Variants in ZNF385D observed in about 807,000 individuals in gnomAD.
The protein encoded by ZNF385D is zinc finger protein 385D.
Under a neutral mutation model 35.8 loss-of-function variants are expected in ZNF385D, and 15 were observed. The observed-to-expected ratio is 0.42, with a 90% confidence interval of 0.28 to 0.64. The LOEUF is 0.64. Among genes scored for constraint, ZNF385D ranks in the 30% least tolerant of loss-of-function variants. ZNF385D has a pLI of 0.23. For missense variants in ZNF385D, 474 were observed against 494.6 expected, an observed-to-expected ratio of 0.96 and a Z score of 0.39; for synonymous variants, 212 against 186.8, an observed-to-expected ratio of 1.13 and a Z score of -1.10.
chr3:21,742,229 C>A (rs971893013), intron 1 of ZNF385D, among the ~76,000 whole-genome samples: 2 of 152,202 alleles, frequency 1.3e-5, no homozygotes, highest in Non-Finnish European at 2.9e-5. Context: ...GAAAGATTCA[C>A]TAATTTGTCC....
intron 3 of ZNF385D, among the ~76,000 whole-genome samples, chr3:22,104,057 G>C (rs1261082739): frequency 6.6e-6 from 1 of 151,978 alleles, no homozygotes; most frequent in Non-Finnish European, 1.5e-5. Context: ...GCCAGCCTTG[G>C]GGAGTGAGGG....
At chr3:22,233,257 C>G (rs756849527) in intron 2 of ZNF385D, among the ~76,000 whole-genome samples, 1 of 152,066 alleles carries the variant, frequency 6.6e-6, no homozygotes, top group South Asian at 2.1e-4. Context: ...TAAAAGGGAA[C>G]AGATTAAGAC....
intron 2 of ZNF385D, among the ~76,000 whole-genome samples, chr3:21,647,702 G>A (rs1021351): frequency 0.72 from 110,120 of 152,042 alleles, 40,174 homozygotes; most frequent in Admixed American, 0.77. Context: ...CCTGACTGGT[G>A]TAATCAAATA....
chr3:21,841,786 T>C (rs575414937), intron 3 of ZNF385D, among the ~76,000 whole-genome samples: 10 of 152,028 alleles, frequency 6.6e-5, no homozygotes, highest in African/African-American at 2.2e-4. Context: ...GTTTAATTTT[T>C]GATGTATTTT....
At chr3:22,033,396 G>T (rs1223129860) in intron 3 of ZNF385D, among the ~76,000 whole-genome samples, 1 of 92,456 alleles carries the variant, frequency 1.1e-5, no homozygotes, top group Non-Finnish European at 2.0e-5. Context: ...AGCAAGGCTG[G>T]CTCCAAAATA....
At chr3:22,132,008 G>A (rs926764366) in intron 3 of ZNF385D, among the ~76,000 whole-genome samples, 1 of 152,162 alleles carries the variant, frequency 6.6e-6, no homozygotes, top group Non-Finnish European at 1.5e-5. Flanking sequence ...CCTGAAGTAG[G>A]AGAATTGCAT....
At chr3:22,216,896 T>A (rs554347804) in intron 2 of ZNF385D, among the ~76,000 whole-genome samples, 1 of 152,266 alleles carries the variant, frequency 6.6e-6, no homozygotes, top group South Asian at 2.1e-4. Context: ...TTGTGGCCAA[T>A]TTGAAAGTCA....
intron 3 of ZNF385D, among the ~76,000 whole-genome samples, chr3:22,082,101 C>G (rs544235425): frequency 6.7e-6 from 1 of 149,316 alleles, no homozygotes; most frequent in Non-Finnish European, 1.5e-5. Context: ...TGTCTGAATA[C>G]GAACAGCTCT....
At chr3:21,673,053 T>C (rs1002501306) in intron 1 of ZNF385D, among the ~76,000 whole-genome samples, 5 of 152,266 alleles carry the variant, frequency 3.3e-5, no homozygotes, top group Non-Finnish European at 7.4e-5. Flanking sequence ...AGATTTTGCC[T>C]GGAATATTCC....
chr3:21,630,781 A>G (rs1242740195), intron 2 of ZNF385D, among the ~76,000 whole-genome samples: 1 of 152,138 alleles, frequency 6.6e-6, no homozygotes, highest in African/African-American at 2.4e-5. Context: ...TCCATCACTA[A>G]TATCTATTGA....
At chr3:21,983,455 G>A (rs80156909) in intron 3 of ZNF385D, among the ~76,000 whole-genome samples, 8,628 of 100,460 alleles carry the variant, frequency 0.086, 308 homozygotes, top group Middle Eastern at 0.16. Flanking sequence ...GAGAATGATG[G>A]TTTCCAATTT....
At position 21,430,421 on chromosome 3, in the gene ZNF385D, T is replaced by C. The variant is rs185846897; in HGVS notation, c.674-4751A>G. Among the ~76,000 whole-genome samples the C allele has an allele frequency of 1.5e-4, 23 of 152,054 alleles. No individual in the cohort carries two copies. In the East Asian group the frequency reaches 4.3e-3, roughly 28 times the overall value. Reference sequence around the variant, plus strand: ...TCAGAAATGGTCCTGGAGGGAAAGCTCTGAAGTCATTATGGGGTAGGAGAC... The same window carrying C: ...TCAGAAATGGTCCTGGAGGGAAAGCCCTGAAGTCATTATGGGGTAGGAGAC... On this transcript the variant is annotated intron_variant, in intron 5 of 7. Transcript: ENST00000281523.
At chr3:21,789,350 T>C (rs1182668591) in intron 3 of ZNF385D, among the ~76,000 whole-genome samples, 1 of 152,042 alleles carries the variant, frequency 6.6e-6, no homozygotes, top group African/African-American at 2.4e-5. Context: ...AGAAGAAATA[T>C]ATAGGAGAAT....
rs149702739 is a variant in ZNF385D at position 22,352,914 on chromosome 3, G to A, written c.106+19536C>T. ...ATATCCATTTTAAAACCTCATTTTC[G>A]TATGTGATTAGAAGCTCTCTTCCTT... On this transcript the variant is annotated intron_variant, in intron 2 of 5. Coordinates refer to the ZNF385D transcript ENST00000494108. Among the ~76,000 whole-genome samples, 657 of 152,092 alleles carry A rather than the reference G, an allele frequency of 4.3e-3. 7 individuals are homozygous for A. Among genetic ancestry groups the A allele is most frequent in the Non-Finnish European group, 6.6e-3 (449 of 67,978 alleles).
intron 3 of ZNF385D, among the ~76,000 whole-genome samples, chr3:22,144,433 C>T (rs1036242857): frequency 2.6e-5 from 4 of 151,630 alleles, no homozygotes; most frequent in Middle Eastern, 3.2e-3. Flanking sequence ...AAATAAATTA[C>T]CCAGGTGTGG....
At chr3:21,534,069 G>A (rs1444338626) in intron 3 of ZNF385D, among the ~76,000 whole-genome samples, 1 of 151,842 alleles carries the variant, frequency 6.6e-6, no homozygotes, top group Non-Finnish European at 1.5e-5. Context: ...AATCTTTAGA[G>A]CCAGCTTATA....
At chr3:21,926,881 A>T (rs574723466) in intron 3 of ZNF385D, among the ~76,000 whole-genome samples, 1 of 152,302 alleles carries the variant, frequency 6.6e-6, no homozygotes, top group South Asian at 2.1e-4. Context: ...GAATGGGAGA[A>T]AATTTTTGCA....
chr3:21,777,610 A>G (rs1459749965), intron 3 of ZNF385D: 1 of 151,946 alleles, frequency 6.6e-6, no homozygotes, highest in Non-Finnish European at 1.5e-5. Context: ...TTGCTTACAT[A>G]GATCTTCCCA....
At chr3:21,508,028 T>C (rs1706912378) in intron 4 of ZNF385D, among the ~76,000 whole-genome samples, 1 of 152,150 alleles carries the variant, frequency 6.6e-6, no homozygotes, top group Non-Finnish European at 1.5e-5. Flanking sequence ...TGTTTTGTTT[T>C]GTTTTTTCCT....
Sources: allele counts gnomAD v4.1 joint callset (sites outside exome capture counted in the v4.1 genomes callset), GRCh38; gene constraint gnomAD v4.1.1; transcripts MANE v1.5; gene names NCBI Gene and HGNC (gene_info 2026-07-23, HGNC 2026-07-21).